CTSF: variants seen among roughly 807,000 people sequenced by gnomAD.
The protein encoded by CTSF is cathepsin F.
In CTSF, 65 loss-of-function variants were observed where a neutral mutation model predicts 63.5. The ratio of observed to expected loss-of-function variants is 1.02; its 90% CI spans 0.84 to 1.26. The LOEUF is 1.26. Ranked by LOEUF, CTSF falls within the 50% of genes most tolerant of loss-of-function variation. The pLI, the probability that CTSF is intolerant of heterozygous loss-of-function variation, is 0.00. For synonymous variants in CTSF, 256 were observed against 258.1 expected (o/e 0.99, Z 0.08); for missense variants, 641 against 631.0 (o/e 1.02, Z -0.17).
chr11:66,565,525 AGCCACCAC>A, intron 8 of CTSF, 138 bp downstream of exon 8: 2 of 1,148,182 alleles, frequency 1.7e-6, no homozygotes, highest in Non-Finnish European at 1.3e-6. Context: ...TACAGGCATG[AGCCACCAC>A]GCCTGGCTGG....
Position 66,565,817 on chromosome 11 carries a change from A to G in CTSF, c.964+14T>C. ...GGCTAGGCTGGGGACAGAGGAGTAG[A>G]GCGAGATGCTCACCCTGTTCAGAGA... On this transcript the variant is annotated intron_variant, in intron 7 of 12. Coordinates refer to ENST00000310325, the MANE Select transcript of CTSF (RefSeq NM_003793.4). The G allele has an allele frequency of 1.2e-6, 2 of 1,613,960 alleles. No homozygotes were observed. Among genetic ancestry groups the G allele is most frequent in the East Asian group, 4.5e-5 (2 of 44,880 alleles).
In CTSF at chr11:66,566,291, CTG is replaced by C; in HGVS notation, c.719_720del (p.Thr240ArgfsTer29). 1 of 1,614,172 alleles carries C rather than the reference CTG, an allele frequency of 6.2e-7. No homozygotes were observed. The highest frequency in any genetic ancestry group is 1.1e-5 in the South Asian group (1 of 91,080). Reference protein sequence around the residue: ...QYGVTKFSDLTEEEFRTIYLN... With the variant: ...QYGVTKFSDLXEEEFRTIYLN... ...TGAGGACTGTGGCCACTATCCCTAC[CTG>C]TGAGATCACTGAACTTGGTGACTCC... On this transcript the variant is annotated frameshift_variant and splice_region_variant, in exon 5 of 13. Coordinates refer to ENST00000310325, the MANE Select transcript of CTSF (RefSeq NM_003793.4). LOFTEE classifies it high-confidence loss of function.
intron 3 of CTSF, 24 bp downstream of exon 3, chr11:66,567,420 C>T: frequency 3.1e-6 from 5 of 1,613,422 alleles, no homozygotes; most frequent in Non-Finnish European, 2.5e-6. Context: ...AAGCTGAGGG[C>T]TCCTCAAGCT....
chr11:66,565,578 C>T (rs1857909528), intron 8 of CTSF, 93 bp downstream of exon 8: 2 of 1,547,218 alleles, frequency 1.3e-6, no homozygotes, highest in Admixed American at 1.7e-5. Context: ...TTCTGTGTAA[C>T]TCTCATGCTC....
In CTSF at chr11:66,563,824, G is replaced by C; in HGVS notation, c.*109C>G. 1 of 1,377,472 alleles carries C rather than the reference G, an allele frequency of 7.3e-7. No individual in the cohort carries two copies. The highest frequency in any genetic ancestry group is 1.3e-5 in the South Asian group (1 of 79,302). 85.3% of individuals were successfully genotyped at this position (1,377,472 alleles called of 1,614,324 possible). On this transcript the variant is annotated 3_prime_UTR_variant, in exon 13 of 13. Coordinates refer to ENST00000310325, the MANE Select transcript of CTSF (RefSeq NM_003793.4). ...CCCTCTGCTCACCCTGAGGTACCCA[G>C]TGCCTTTCCCTCTGCCAGCTGTACC...
intron 8 of CTSF, among the ~76,000 whole-genome samples, chr11:66,565,369 T>G (rs1388859015): frequency 6.6e-6 from 1 of 152,160 alleles, no homozygotes; most frequent in Admixed American, 6.5e-5. Flanking sequence ...GCCCCCCAAG[T>G]AGCTGAGACT....
At position 66,563,873 on chromosome 11, in the gene CTSF, T is replaced by C. The variant is rs1162259014; in HGVS notation, c.*60A>G. ...CCTCCCGGGGAGGGGCCTGGACACA[T>C]GTCAGGCTGGGGCAGCAGCCACTCT... On this transcript the variant is annotated 3_prime_UTR_variant, in exon 13 of 13. Coordinates refer to ENST00000310325, the MANE Select transcript of CTSF (RefSeq NM_003793.4). 29 of 1,599,476 alleles carry C rather than the reference T, an allele frequency of 1.8e-5. 1 individual carries two copies. The highest frequency in any genetic ancestry group is 2.5e-5 in the Non-Finnish European group (29 of 1,171,648).
intron 6 of CTSF, 44 bp downstream of exon 6, chr11:66,565,978 C>T (rs115077591): frequency 6.2e-7 from 1 of 1,614,098 alleles, no homozygotes; most frequent in African/African-American, 1.3e-5. Flanking sequence ...TTCGTCAGCC[C>T]CAGTGCAGTG....
intron 11 of CTSF, 30 bp from the exon 12 acceptor site, chr11:66,564,176 G>C (rs377538892): frequency 1.3e-5 from 20 of 1,598,478 alleles, no homozygotes; most frequent in Admixed American, 1.7e-5. Flanking sequence ...GCAAGGATCA[G>C]GGTCCTTAAT....
chr11:66,564,858 G>GACCTC, intron 9 of CTSF, 29 bp downstream of exon 9: 1 of 1,613,990 alleles, frequency 6.2e-7, no homozygotes, highest in Non-Finnish European at 8.5e-7. Flanking sequence ...GGCCCCACCT[G>GACCTC]ACCTCACCTC....
chr11:66,567,685 C>T, intron 2 of CTSF, 23 bp from the exon 3 acceptor site: 1 of 1,603,618 alleles, frequency 6.2e-7, no homozygotes, highest in South Asian at 1.1e-5. Flanking sequence ...GAAGAAGCTG[C>T]TCTGGGGGCC....
At chr11:66,566,235 G>A in intron 5 of CTSF, 56 bp downstream of exon 5, 1 of 1,613,828 alleles carries the variant, frequency 6.2e-7, no homozygotes, top group Admixed American at 1.7e-5. Flanking sequence ...CAGAGGCCTT[G>A]CGAGCAAGGT....
Position 66,566,281 on chromosome 11 carries a change from C to T in CTSF, c.721+10G>A. ...CCTGGATCCATGAGGACTGTGGCCA[C>T]TATCCCTACCTGTGAGATCACTGAA... On this transcript the variant is annotated intron_variant, in intron 5 of 12. Coordinates refer to ENST00000310325, the MANE Select transcript of CTSF (RefSeq NM_003793.4). The T allele has an allele frequency of 6.2e-7, 1 of 1,614,182 alleles. No homozygotes were observed. Among genetic ancestry groups the T allele is most frequent in the Non-Finnish European group, 8.5e-7 (1 of 1,180,026 alleles).
chr11:66,564,494 G>A, intron 11 of CTSF, 64 bp downstream of exon 11: 2 of 1,386,308 alleles, frequency 1.4e-6, no homozygotes, highest in Non-Finnish European at 2.0e-6. Context: ...TAGAGGACCT[G>A]AGATGCTGTG....
chr11:66,563,829 T>A lies in CTSF; in HGVS notation c.*104A>T. The stretch of plus-strand genomic sequence containing the variant: ...TGCTCACCCTGAGGTACCCAGTGCC[T>A]TTCCCTCTGCCAGCTGTACCTCCCG... On this transcript the variant is annotated 3_prime_UTR_variant, in exon 13 of 13. Coordinates refer to ENST00000310325, the MANE Select transcript of CTSF (RefSeq NM_003793.4). 1 of 1,441,242 alleles carries A rather than the reference T, an allele frequency of 6.9e-7. No homozygotes were observed. The highest frequency in any genetic ancestry group is 9.5e-7 in the Non-Finnish European group (1 of 1,052,826). 89.3% of individuals were successfully genotyped at this position (1,441,242 alleles called of 1,614,324 possible).
In CTSF at chr11:66,567,577, C is replaced by T. The variant is rs1338428665; in HGVS notation, c.398G>A (p.Gly133Asp). Residue 133 changes from glycine to aspartate, a missense_variant, in exon 3 of 13, where the codon GGT becomes GAT. Physicochemically the swap from Gly to Asp is moderately conservative, Grantham distance 94 (BLOSUM62 -1). Transcript: ENST00000310325. ...DCGPVDTKVPGAGEPKSAFTQ... is the reference protein window; with the variant it reads ...DCGPVDTKVPDAGEPKSAFTQ... ...GAAGGCTGACTTGGGCTCCCCAGCA[C>T]CTGGAACCTTGGTGTCCACTGGGCC... is the stretch of plus-strand genomic sequence containing the variant. 1.2e-6 allele frequency: 2 copies of T among 1,614,072 alleles called. No individual in the cohort carries two copies. Among genetic ancestry groups the T allele is most frequent in the African/African-American group, 2.7e-5 (2 of 74,928 alleles).
chr11:66,563,802 T>G lies in CTSF; in HGVS notation c.*131A>C. On this transcript the variant is annotated 3_prime_UTR_variant, in exon 13 of 13. Coordinates refer to ENST00000310325, the MANE Select transcript of CTSF (RefSeq NM_003793.4). ...GGGGCTGTGCCCCAGCCCAGTGCCCTCTGCTCACCCTGAGGTACCCAGTGC... is the reference window on the plus strand; with the variant it reads ...GGGGCTGTGCCCCAGCCCAGTGCCCGCTGCTCACCCTGAGGTACCCAGTGC... 2.6e-6 allele frequency: 3 copies of G among 1,153,142 alleles called. No individual in the cohort carries two copies. The highest frequency in any genetic ancestry group is 2.5e-6 in the Non-Finnish European group (2 of 810,186). 71.4% of individuals were successfully genotyped at this position (1,153,142 alleles called of 1,614,324 possible).
intron 7 of CTSF, 34 bp downstream of exon 7, chr11:66,565,797 G>A (rs1857915638): frequency 1.2e-6 from 2 of 1,613,938 alleles, no homozygotes; most frequent in Non-Finnish European, 1.7e-6. Context: ...TGAGGGGCTA[G>A]GCTGGGGACA....
At position 66,566,086 on chromosome 11, in the gene CTSF, C is replaced by A. The variant is rs781386282; in HGVS notation, c.803G>T (p.Gly268Val). The A allele has an allele frequency of 5.6e-6, 9 of 1,614,074 alleles. No homozygotes were observed. Among genetic ancestry groups the A allele is most frequent in the Non-Finnish European group, 7.6e-6 (9 of 1,180,052 alleles). The change falls in exon 6 of 13, where the codon GGT becomes GTT. Residue 268 changes from glycine to valine, a missense_variant. By Grantham distance (109) the Gly-to-Val change is moderately radical. Coordinates refer to ENST00000310325, the MANE Select transcript of CTSF (RefSeq NM_003793.4). ...GNKMKQAKSV[G>V]DLAPPEWDWR... ...GTCCCATTCAGGTGGGGCGAGGTCACCCACAGACTTGGCTTGCTTCATCTT... is the reference window on the plus strand; with the variant it reads ...GTCCCATTCAGGTGGGGCGAGGTCAACCACAGACTTGGCTTGCTTCATCTT...
Sources: allele counts gnomAD v4.1 joint callset (sites outside exome capture counted in the v4.1 genomes callset), GRCh38; gene constraint gnomAD v4.1.1; transcripts MANE v1.5; gene names NCBI Gene and HGNC (gene_info 2026-07-23, HGNC 2026-07-21).